The following MCM7 variants were observed in gnomAD, a reference collection of about 807,000 sequenced individuals.
MCM7 encodes minichromosome maintenance complex component 7.
In MCM7, 95 loss-of-function variants were observed where a neutral mutation model predicts 83.5. That is an observed-to-expected ratio of 1.14 (90% CI 0.96 to 1.35). MCM7 has a LOEUF of 1.35. Ranked by LOEUF, MCM7 falls within the 40% of genes most tolerant of loss-of-function variation. The pLI is 0.00. For missense variants in MCM7, 1,087 were observed against 957.4 expected, an observed-to-expected ratio of 1.14 and a Z score of -1.79; for synonymous variants, 461 against 352.7, an observed-to-expected ratio of 1.31 and a Z score of -3.44.
intron 12 of MCM7, 126 bp downstream of exon 12, chr7:100,095,261 C>T: frequency 1.2e-6 from 1 of 822,606 alleles, no homozygotes; most frequent in Non-Finnish European, 2.1e-6. Context: ...TGATCTGAGG[C>T]TCTGGACATG....
At chr7:100,095,345 G>T (rs1443192599) in intron 12 of MCM7, 42 bp downstream of exon 12, 1 of 1,565,512 alleles carries the variant, frequency 6.4e-7, no homozygotes, top group Non-Finnish European at 8.7e-7. Flanking sequence ...AGGCTCGCAC[G>T]GCCCACGCCA....
At chr7:100,093,810 T>C in intron 13 of MCM7, 1 of 622,030 alleles carries the variant, frequency 1.6e-6, no homozygotes. Flanking sequence ...GGTTGGGTAA[T>C]CACACTACCT....
Position 100,097,948 on chromosome 7 carries a change from C to T in MCM7, c.871G>A (p.Gly291Ser). 1.9e-6 allele frequency: 3 copies of T among 1,613,782 alleles called. No individual in the cohort carries two copies. The highest frequency in any genetic ancestry group is 1.7e-6 in the Non-Finnish European group (2 of 1,179,728). ...LRTGFRQVVQ[G>S]LLSETYLEAH... is the part of the protein sequence containing the mutation. ...TCCAGGTAGGTTTCTGAGAGTAAAC[C>T]CTTGGGCAGGAAAATGCCAGGATAC... The change falls in exon 8 of 15, where the codon GGT (glycine) becomes AGT (serine). Residue 291 changes from glycine to serine, a missense_variant and splice_region_variant. Physicochemically the swap from Gly to Ser is moderately conservative, Grantham distance 56. Coordinates refer to ENST00000303887, the MANE Select transcript of MCM7 (RefSeq NM_005916.5).
Position 100,101,342 on chromosome 7 carries a change from C to G in MCM7, c.-48G>C. 1 of 1,611,372 alleles carries G rather than the reference C, an allele frequency of 6.2e-7. No homozygotes were observed. Among genetic ancestry groups the G allele is most frequent in the South Asian group, 1.1e-5 (1 of 91,016 alleles). On this transcript the variant is annotated 5_prime_UTR_variant, in exon 1 of 15. Transcript: ENST00000303887. ...GCGCTTGGCGGGCTCAGAGGTCTTG[C>G]TCCTGGGGAAGCTGAGAATCTCCGC...
chr7:100,098,150 C>G lies in MCM7; in HGVS notation c.861G>C (p.Gln287His). The G allele has an allele frequency of 6.2e-7, 1 of 1,614,086 alleles. No homozygotes were observed. The highest frequency in any genetic ancestry group is 8.5e-7 in the Non-Finnish European group (1 of 1,179,974). The stretch of plus-strand genomic sequence containing the variant: ...TCAAACTCTTCCTTACCTGTACCAC[C>G]TGTCGGAACCCAGTGCGCAGGATTG... ...FLPILRTGFR[Q>H]VVQGLLSETY... The change falls in exon 7 of 15, where the codon CAG (glutamine) becomes CAC (histidine). Residue 287 changes from glutamine to histidine, a missense_variant. Gln to His is a conservative substitution (Grantham distance 24, BLOSUM62 0). Coordinates refer to ENST00000303887, the MANE Select transcript of MCM7 (RefSeq NM_005916.5).
intron 11 of MCM7, 96 bp from the exon 12 acceptor site, chr7:100,095,566 G>C: frequency 7.5e-7 from 1 of 1,325,342 alleles, no homozygotes; most frequent in Non-Finnish European, 1.0e-6. Context: ...CTTCCTCACA[G>C]TGTAGGAGGG....
In MCM7 at chr7:100,098,641, C is replaced by G; in HGVS notation, c.657G>C (p.Arg219=). 3 of 1,614,138 alleles carry G rather than the reference C, an allele frequency of 1.9e-6. No individual in the cohort carries two copies. Among genetic ancestry groups the G allele is most frequent in the Non-Finnish European group, 2.5e-6 (3 of 1,180,036 alleles). The change falls in exon 6 of 15, where the codon CGG becomes CGC. Residue 219 remains arginine, a synonymous_variant. Coordinates refer to ENST00000303887, the MANE Select transcript of MCM7 (RefSeq NM_005916.5). The stretch of plus-strand genomic sequence containing the variant: ...TGGAGCCCCGTGTCTGCAGATACAG[C>G]CGCCCTCCTGAGCGGTTGGTTTGGC... ...QECQTNRSGG[R]LYLQTRGSRF... is the part of the protein sequence containing the mutation.
intron 10 of MCM7, among the ~76,000 whole-genome samples, chr7:100,097,081 A>C (rs1795676346): frequency 6.6e-6 from 1 of 152,302 alleles, no homozygotes; most frequent in African/African-American, 2.4e-5. Context: ...GGCCTGGGCG[A>C]AAGAGCAAGC....
intron 13 of MCM7, 125 bp from the exon 14 acceptor site, chr7:100,093,526 G>A (rs1370608361): frequency 4.6e-6 from 4 of 869,326 alleles, no homozygotes; most frequent in South Asian, 1.3e-5. Context: ...AAACAGGAGT[G>A]GAATCCCCCC....
intron 1 of MCM7, chr7:100,100,308 C>T: frequency 3.1e-6 from 4 of 1,296,884 alleles, no homozygotes; most frequent in African/African-American, 1.5e-5. Context: ...GGCCATCCAA[C>T]ATCTCCCCAG....
intron 1 of MCM7, chr7:100,100,533 CAAAG>C: frequency 1.0e-6 from 1 of 997,098 alleles, no homozygotes; most frequent in Non-Finnish European, 1.2e-6. Context: ...TCTTAGTAAA[CAAAG>C]AAGCACATGG....
intron 1 of MCM7, 146 bp from the exon 2 acceptor site, chr7:100,100,239 T>C: frequency 7.0e-7 from 1 of 1,423,120 alleles, no homozygotes. Context: ...TGGGCATAAC[T>C]CTTTTTCACA....
chr7:100,092,893 AG>A lies in MCM7; in HGVS notation c.*38del. Reference sequence around the variant, plus strand: ...GCCCCTTCCCAAGGGGCAGGCCAGCAGGGAACAAGAGGACCCCAGGGTTGCA... The same window carrying A: ...GCCCCTTCCCAAGGGGCAGGCCAGCAGGAACAAGAGGACCCCAGGGTTGCA... On this transcript the variant is annotated 3_prime_UTR_variant, in exon 15 of 15. Coordinates refer to ENST00000303887, the MANE Select transcript of MCM7 (RefSeq NM_005916.5). 1 of 1,611,304 alleles carries A rather than the reference AG, an allele frequency of 6.2e-7. No individual in the cohort carries two copies. Among genetic ancestry groups the A allele is most frequent in the Non-Finnish European group, 8.5e-7 (1 of 1,177,464 alleles).
chr7:100,099,418 C>T lies in MCM7; in HGVS notation c.277-15G>A, dbSNP rs115396052. ...TTATTTACCACCTAAAGGAGAAGAACAAAAAAAAAAAAAAAAAAGAGCAAC... is the reference window on the plus strand; with the variant it reads ...TTATTTACCACCTAAAGGAGAAGAATAAAAAAAAAAAAAAAAAAGAGCAAC... On this transcript the variant is annotated splice_polypyrimidine_tract_variant and intron_variant, in intron 3 of 14. Transcript: ENST00000303887. 1.4e-4 allele frequency: 180 copies of T among 1,305,452 alleles called. 1 individual carries two copies. In the South Asian group the frequency reaches 2.6e-3, roughly 19 times the overall value. 80.9% of individuals were successfully genotyped at this position (1,305,452 alleles called of 1,614,324 possible).
rs751309858 is a variant in MCM7, at chr7:100,094,278, G to A, written c.1743C>T (p.Ile581=). 2 of 1,614,092 alleles carry A rather than the reference G, an allele frequency of 1.2e-6. No homozygotes were observed. The highest frequency in any genetic ancestry group is 1.1e-5 in the South Asian group (1 of 91,090). Residue 581 remains isoleucine (I), a synonymous_variant, in exon 13 of 15, where the codon ATC becomes ATT. Transcript: ENST00000303887. ...GCCTCATCTCCACGTATGCTGCTGTGATGTAGTCAGCCAGAGACTCTGGCA... is the reference window on the plus strand; with the variant it reads ...GCCTCATCTCCACGTATGCTGCTGTAATGTAGTCAGCCAGAGACTCTGGCA... ...PMVPESLADY[I]TAAYVEMRRE... is the part of the protein sequence containing the mutation.
At chr7:100,095,671 C>G (rs1795590317) in intron 11 of MCM7, 103 bp downstream of exon 11, 1 of 1,460,396 alleles carries the variant, frequency 6.8e-7, no homozygotes, top group Non-Finnish European at 9.1e-7. Context: ...AGGGGAGGCT[C>G]TGGGGTTTCC....
rs188207700 is a variant in MCM7, at chr7:100,094,327, A to G, written c.1694T>C (p.Met565Thr). ...CACCATGGGCTGCTTCTCGCGGCAC[A>G]TGGCTATGTAACGCCTGTGGGGGAA... is the stretch of plus-strand genomic sequence containing the variant. ...DMKLMRRYIA[M>T]CREKQPMVPE... is the part of the protein sequence containing the mutation. Residue 565 changes from methionine (M) to threonine (T), a missense_variant, in exon 13 of 15, where the codon ATG (methionine) becomes ACG (threonine). Met to Thr is a moderately conservative substitution (Grantham distance 81, BLOSUM62 -1). Coordinates refer to ENST00000303887, the MANE Select transcript of MCM7 (RefSeq NM_005916.5). The G allele has an allele frequency of 3.7e-6, 6 of 1,614,118 alleles. No individual in the cohort carries two copies. The highest frequency in any genetic ancestry group is 3.3e-5 in the Admixed American group (2 of 60,022).
At chr7:100,093,425 G>A (rs780605270) in intron 13 of MCM7, 24 bp from the exon 14 acceptor site, 3 of 1,604,872 alleles carry the variant, frequency 1.9e-6, no homozygotes, top group South Asian at 1.1e-5. Context: ...AGGGGGGAAA[G>A]ATGGGAACGG....
chr7:100,098,892 A>G, intron 5 of MCM7, 131 bp downstream of exon 5: 1 of 1,384,904 alleles, frequency 7.2e-7, no homozygotes, highest in South Asian at 1.3e-5. Flanking sequence ...ACCACTACAT[A>G]CCCAAGAATG....
Sources: allele counts gnomAD v4.1 joint callset (sites outside exome capture counted in the v4.1 genomes callset), GRCh38; gene constraint gnomAD v4.1.1; transcripts MANE v1.5; gene names NCBI Gene and HGNC (gene_info 2026-07-23, HGNC 2026-07-21).